The following PDHX variants were observed in gnomAD, a reference collection of about 807,000 sequenced individuals.
The protein encoded by PDHX is pyruvate dehydrogenase complex component X, also known as pyruvate dehydrogenase protein X component, mitochondrial.
In PDHX, 33 loss-of-function variants were observed where a neutral mutation model predicts 55.3. The observed-to-expected ratio is 0.60, with a 90% confidence interval of 0.45 to 0.80. PDHX has a LOEUF of 0.80. PDHX is among the 30% of genes least tolerant of loss of function. The pLI, the probability that PDHX is intolerant of heterozygous loss-of-function variation, is 0.00. For synonymous variants in PDHX, 226 were observed against 219.4 expected (o/e 1.03, Z -0.27); for missense variants, 622 against 619.9 (o/e 1.00, Z -0.04).
chr11:34,987,286 T>C (rs1303840300), intron 9 of PDHX, among the ~76,000 whole-genome samples: 3 of 152,176 alleles, frequency 2.0e-5, no homozygotes. Context: ...GTACTCTTGC[T>C]GGGCAGGTCT....
intron 7 of PDHX, among the ~76,000 whole-genome samples, chr11:34,974,999 T>C (rs1253870388): frequency 1.3e-5 from 2 of 152,200 alleles, no homozygotes; most frequent in East Asian, 3.8e-4. Flanking sequence ...GTCACCCTAA[T>C]GGATATATCT....
intron 7 of PDHX, among the ~76,000 whole-genome samples, chr11:34,970,605 G>A (rs1855237088): frequency 6.6e-6 from 1 of 152,052 alleles, no homozygotes; most frequent in South Asian, 2.1e-4. Context: ...TTATTTAGCA[G>A]GCAATTACTG....
At chr11:34,917,843 T>A (rs151120029) in intron 1 of PDHX, among the ~76,000 whole-genome samples, 1 of 152,214 alleles carries the variant, frequency 6.6e-6, no homozygotes, top group South Asian at 2.1e-4. Flanking sequence ...GAATTCCTTC[T>A]CTTCCCTCCT....
chr11:34,986,445 CTG>C (rs1384070190), intron 9 of PDHX, among the ~76,000 whole-genome samples: 1 of 151,852 alleles, frequency 6.6e-6, no homozygotes, highest in Non-Finnish European at 1.5e-5. Flanking sequence ...ATATTTGTGT[CTG>C]TGTTTTTGTG....
At chr11:34,919,266 T>A (rs1046211254) in intron 1 of PDHX, among the ~76,000 whole-genome samples, 2 of 143,670 alleles carry the variant, frequency 1.4e-5, no homozygotes. Context: ...CCTTGAACTA[T>A]TTGTTTTACA....
intron 3 of PDHX, among the ~76,000 whole-genome samples, chr11:34,951,710 A>G (rs1360728330): frequency 1.3e-5 from 2 of 151,976 alleles, no homozygotes; most frequent in Non-Finnish European, 2.9e-5. Context: ...ATTAGATCCC[A>G]TTTGTCAATT....
chr11:34,916,939 C>G (rs1178442674), intron 1 of PDHX, 124 bp downstream of exon 1: 5 of 986,226 alleles, frequency 5.1e-6, no homozygotes, highest in African/African-American at 3.2e-5. Flanking sequence ...TCCCTTTCCT[C>G]TTTCTCCGGT....
rs1855716929 is a variant in PDHX at position 34,989,476 on chromosome 11, T to C, written c.1183-2839T>C. Among the ~76,000 whole-genome samples, 5 of 152,216 alleles carry C rather than the reference T, an allele frequency of 3.3e-5. No individual in the cohort carries two copies. In the South Asian group the frequency reaches 1.0e-3, roughly 32 times the overall value. On this transcript the variant is annotated intron_variant, in intron 9 of 10. Transcript: ENST00000227868. ...CCCCGAGGAATGTGAGGTTGTGGTCTTAGCAAGTAGGCAGTGGATAAGAGA... is the reference window on the plus strand; with the variant it reads ...CCCCGAGGAATGTGAGGTTGTGGTCCTAGCAAGTAGGCAGTGGATAAGAGA...
intron 5 of PDHX, among the ~76,000 whole-genome samples, chr11:34,961,224 C>G (rs897987541): frequency 2.0e-5 from 3 of 152,138 alleles, no homozygotes; most frequent in African/African-American, 7.2e-5. Flanking sequence ...TGAGAACTGA[C>G]ATCTTTATCA....
At chr11:34,939,062 C>T (rs1854407586) in intron 2 of PDHX, among the ~76,000 whole-genome samples, 1 of 152,174 alleles carries the variant, frequency 6.6e-6, no homozygotes, top group Non-Finnish European at 1.5e-5. Context: ...TTTTCATTAA[C>T]ACTTATTTAC....
At chr11:34,951,218 G>A (rs1378654027) in intron 3 of PDHX, among the ~76,000 whole-genome samples, 13 of 151,818 alleles carry the variant, frequency 8.6e-5, no homozygotes, top group East Asian at 5.8e-4. Flanking sequence ...CATCACGCCC[G>A]GCTAATTTTT....
chr11:34,977,818 CT>C, intron 7 of PDHX: 2 of 478,926 alleles, frequency 4.2e-6, no homozygotes, highest in Non-Finnish European at 8.3e-6. Context: ...GGAGTTAGTT[CT>C]TTTTTTCTGA....
At chr11:34,979,247 G>A (rs1206367343) in intron 8 of PDHX, among the ~76,000 whole-genome samples, 1 of 152,144 alleles carries the variant, frequency 6.6e-6, no homozygotes, top group Non-Finnish European at 1.5e-5. Context: ...CTAGAGTTTG[G>A]TTTTAGACAT....
At chr11:34,976,038 A>G (rs566326240) in intron 7 of PDHX, among the ~76,000 whole-genome samples, 1 of 152,350 alleles carries the variant, frequency 6.6e-6, no homozygotes, top group East Asian at 1.9e-4. Flanking sequence ...ATACTTGCTT[A>G]GTCATGATAT....
chr11:34,916,733 A>C lies in PDHX; in HGVS notation c.78A>C (p.Val26=). The change falls in exon 1 of 11, where the codon GTA becomes GTC. Residue 26 remains valine, a synonymous_variant. Transcript: ENST00000227868. ...YLVGFPGRRS[V]GLVKGALGWS... ...TGGGCTTCCCCGGCCGCCGAAGCGT[A>C]GGGCTGGTGAAGGGGGCTCTTGGGT... 1 of 1,613,436 alleles carries C rather than the reference A, an allele frequency of 6.2e-7. No individual in the cohort carries two copies. The highest frequency in any genetic ancestry group is 8.5e-7 in the Non-Finnish European group (1 of 1,179,878).
In PDHX at chr11:34,966,778, C is replaced by T. The variant is rs748483350; in HGVS notation, c.780C>T (p.Ile260=). ...TAGPSYPRPV[I]PPVSTPGQPN... ...GACCATCTTATCCCCGGCCTGTGAT[C>T]CCACCAGTATCAACTCCTGGACAAC... Residue 260 remains isoleucine (I), a synonymous_variant, in exon 6 of 11, where the codon ATC becomes ATT. Transcript: ENST00000227868. 3 of 1,613,916 alleles carry T rather than the reference C, an allele frequency of 1.9e-6. No homozygotes were observed. In the African/African-American group the frequency reaches 4.0e-5, roughly 22 times the overall value.
chr11:34,946,969 C>T (rs1316050259), intron 2 of PDHX, among the ~76,000 whole-genome samples: 1 of 152,154 alleles, frequency 6.6e-6, no homozygotes, highest in Non-Finnish European at 1.5e-5. Context: ...TTTTCTGTTG[C>T]AGAGAAATGA....
At chr11:34,986,612 C>T (rs1369738108) in intron 9 of PDHX, among the ~76,000 whole-genome samples, 3 of 152,112 alleles carry the variant, frequency 2.0e-5, no homozygotes, top group Non-Finnish European at 4.4e-5. Flanking sequence ...TGATTCTGAG[C>T]AATTTACCAA....
At chr11:34,955,139 G>A (rs960947840) in intron 3 of PDHX, among the ~76,000 whole-genome samples, 1 of 152,148 alleles carries the variant, frequency 6.6e-6, no homozygotes, top group African/African-American at 2.4e-5. Flanking sequence ...TGGCATTTGA[G>A]GTGTCCTTAG....
Sources: allele counts gnomAD v4.1 joint callset (sites outside exome capture counted in the v4.1 genomes callset), GRCh38; gene constraint gnomAD v4.1.1; transcripts MANE v1.5; gene names NCBI Gene and HGNC (gene_info 2026-07-23, HGNC 2026-07-21).